Variants in CLVS1 observed in about 807,000 individuals in gnomAD.
CLVS1 encodes the protein clavesin 1.
Under a neutral mutation model 33.1 loss-of-function variants are expected in CLVS1, and 10 were observed. That is an observed-to-expected ratio of 0.30 (90% CI 0.19 to 0.51). The LOEUF (loss-of-function observed/expected upper bound fraction) is 0.51. Ranked by LOEUF, CLVS1 falls within the 20% of genes least tolerant of loss-of-function variation. CLVS1 has a pLI of 0.97. For missense variants in CLVS1, 343 were observed against 433.4 expected (o/e 0.79, Z 1.85); for synonymous variants, 163 against 166.1 (o/e 0.98, Z 0.14).
At chr8:61,195,153 A>T (rs556885837) in intron 2 of CLVS1, among the ~76,000 whole-genome samples, 1 of 152,130 alleles carries the variant, frequency 6.6e-6, no homozygotes, top group Non-Finnish European at 1.5e-5. Context: ...AGAGAAAAAT[A>T]TACAAGTAAG....
chr8:61,460,123 A>G (rs1817321531), intron 5 of CLVS1, among the ~76,000 whole-genome samples: 1 of 152,214 alleles, frequency 6.6e-6, no homozygotes, highest in African/African-American at 2.4e-5. Context: ...GGGGATGAGG[A>G]AGACTTCAGC....
At chr8:61,363,783 G>A (rs988576545) in intron 2 of CLVS1, among the ~76,000 whole-genome samples, 9 of 152,158 alleles carry the variant, frequency 5.9e-5, no homozygotes, top group African/African-American at 1.9e-4. Flanking sequence ...TTCTGACCAG[G>A]GAACAAAAGT....
chr8:61,269,199 G>A (rs1809379369), intron 2 of CLVS1, among the ~76,000 whole-genome samples: 1 of 151,244 alleles, frequency 6.6e-6, no homozygotes, highest in South Asian at 2.1e-4. Context: ...TTTGTATAAG[G>A]TGTAAGGAAG....
intron 1 of CLVS1, among the ~76,000 whole-genome samples, chr8:61,111,979 C>T (rs1002280200): frequency 2.0e-4 from 31 of 152,020 alleles, no homozygotes; most frequent in Non-Finnish European, 4.0e-4. Flanking sequence ...TTTTTCAAAT[C>T]GGTACTGTAG....
In CLVS1 at chr8:61,246,167, C is replaced by CTTTTTTTTTTTTTTTT. The variant is rs1188366643; in HGVS notation, c.-151-53496_-151-53481dup. Among the ~76,000 whole-genome samples the CTTTTTTTTTTTTTTTT allele has an allele frequency of 3.9e-4, 32 of 82,240 alleles. 2 individuals carry two copies. The highest frequency in any genetic ancestry group is 5.5e-4 in the Non-Finnish European group (24 of 43,750). 54.0% of individuals were successfully genotyped at this position (82,240 alleles called of 152,430 possible). ...AAACCCTTTTTCTCTTCCTTCCCAA[C>CTTTTTTTTTTTTTTTT]TTTTTTTTTTTTTTTTTTTTTTTTT... On this transcript the variant is annotated intron_variant, in intron 2 of 2. Coordinates refer to the CLVS1 transcript ENST00000522621.
intron 3 of CLVS1, among the ~76,000 whole-genome samples, chr8:61,403,369 G>C (rs1174364045): frequency 6.6e-6 from 1 of 152,190 alleles, no homozygotes; most frequent in Non-Finnish European, 1.5e-5. Flanking sequence ...GCTGAAGGAT[G>C]ATGCAATCCA....
At chr8:61,398,410 G>A (rs1217881192) in intron 3 of CLVS1, among the ~76,000 whole-genome samples, 2 of 152,074 alleles carry the variant, frequency 1.3e-5, no homozygotes, top group Non-Finnish European at 2.9e-5. Flanking sequence ...AGTAACTCCT[G>A]AACTCATGTG....
At chr8:61,044,221 T>A in the CLVS1 span, among the ~76,000 whole-genome samples, 10 of 151,632 alleles carry the variant, frequency 6.6e-5, no homozygotes, top group Admixed American at 4.6e-4. Context: ...CCCAAAGGAG[T>A]TACAGCATAG....
chr8:61,442,574 G>T (rs1235199946), intron 3 of CLVS1, among the ~76,000 whole-genome samples: 1 of 152,134 alleles, frequency 6.6e-6, no homozygotes, highest in African/African-American at 2.4e-5. Context: ...GAGCAATCCA[G>T]CTTGTCCACA....
chr8:60,971,117 C>T, the CLVS1 span, among the ~76,000 whole-genome samples: 14 of 145,354 alleles, frequency 9.6e-5, no homozygotes, highest in Non-Finnish European at 1.9e-4. Flanking sequence ...ACTCTGTCAC[C>T]CATGCTGGAG....
chr8:61,328,486 G>A (rs1050919314), intron 2 of CLVS1, among the ~76,000 whole-genome samples: 1 of 152,078 alleles, frequency 6.6e-6, no homozygotes, highest in Admixed American at 6.5e-5. Context: ...TAGCCCCTTA[G>A]CATATATTAC....
intron 5 of CLVS1, among the ~76,000 whole-genome samples, chr8:61,487,339 G>C (rs1475545471): frequency 6.6e-6 from 1 of 152,190 alleles, no homozygotes; most frequent in Non-Finnish European, 1.5e-5. Flanking sequence ...GATAAGAATA[G>C]ATAGGTTATT....
At chr8:61,070,834 C>T (rs756650037) in intron 1 of CLVS1, among the ~76,000 whole-genome samples, 2 of 152,200 alleles carry the variant, frequency 1.3e-5, no homozygotes, top group Non-Finnish European at 2.9e-5. Flanking sequence ...CAGAGTGAGA[C>T]CCTGTGTCTC....
chr8:61,201,117 G>T (rs1469390119), intron 2 of CLVS1, among the ~76,000 whole-genome samples: 2 of 152,134 alleles, frequency 1.3e-5, no homozygotes, highest in African/African-American at 4.8e-5. Context: ...CCAGCAGAAT[G>T]AAATAAATTC....
chr8:61,177,951 A>C (rs1429395194), intron 2 of CLVS1, among the ~76,000 whole-genome samples: 1 of 152,116 alleles, frequency 6.6e-6, no homozygotes, highest in South Asian at 2.1e-4. Flanking sequence ...CCAAATAATC[A>C]CTACACCTCT....
intron 2 of CLVS1, among the ~76,000 whole-genome samples, chr8:61,361,370 A>G (rs1160129427): frequency 6.6e-6 from 1 of 152,242 alleles, no homozygotes; most frequent in Non-Finnish European, 1.5e-5. Flanking sequence ...AATAACTGAA[A>G]GAGTCTGCCC....
At chr8:61,034,888 C>T in the CLVS1 span, among the ~76,000 whole-genome samples, 1 of 152,152 alleles carries the variant, frequency 6.6e-6, no homozygotes, top group African/African-American at 2.4e-5. Context: ...AAACAACTTT[C>T]CCGTGTTTCC....
At chr8:61,410,066 G>GTTTTTTTTTTT (rs201195565) in intron 3 of CLVS1, among the ~76,000 whole-genome samples, 99 of 106,866 alleles carry the variant, frequency 9.3e-4, no homozygotes, top group Middle Eastern at 5.7e-3. Flanking sequence ...ACTTGCAGAG[G>GTTTTTTTTTTT]TTTTTTTTTT....
rs146143637 is a variant in CLVS1 at position 61,125,148 on chromosome 8, A to G, written c.-242-6622A>G. 3.1e-3 allele frequency among the ~76,000 whole-genome samples: 478 copies of G among 152,202 alleles called. 3 individuals are homozygous for G. The highest frequency in any genetic ancestry group is 0.01 in the African/African-American group (421 of 41,512). Reference sequence around the variant, plus strand: ...GATGACACACTTTGCTCAAGGATACACTCAAAATGACAATCTCAAGGTTCT... The same window carrying G: ...GATGACACACTTTGCTCAAGGATACGCTCAAAATGACAATCTCAAGGTTCT... On this transcript the variant is annotated intron_variant, in intron 1 of 2. Transcript: ENST00000522621.
Sources: allele counts gnomAD v4.1 joint callset (sites outside exome capture counted in the v4.1 genomes callset), GRCh38; gene constraint gnomAD v4.1.1; transcripts MANE v1.5; gene names NCBI Gene and HGNC (gene_info 2026-07-23, HGNC 2026-07-21).